SPATA1: variants seen among roughly 807,000 people sequenced by gnomAD.
The protein encoded by SPATA1 is spermatogenesis associated 1, also known as spermatogenesis-associated protein 1.
SPATA1 carries 57 observed loss-of-function variants against 59.6 expected under a neutral mutation model. That is an observed-to-expected ratio of 0.96 (90% CI 0.77 to 1.19). The LOEUF (loss-of-function observed/expected upper bound fraction) is 1.19. Ranked by LOEUF, SPATA1 falls within the 50% of genes most tolerant of loss-of-function variation. The probability of loss-of-function intolerance (pLI) is 0.00; values close to 1 mark genes in which losing one functional copy is unlikely to be tolerated. For missense variants in SPATA1, 448 were observed against 480.7 expected, an observed-to-expected ratio of 0.93 and a Z score of 0.64; for synonymous variants, 147 against 163.9, an observed-to-expected ratio of 0.90 and a Z score of 0.79.
chr1:84,563,380 C>T, intron 4 of SPATA1: 1 of 1,578,196 alleles, frequency 6.3e-7, no homozygotes. Context: ...TACAAGGAGC[C>T]CCCCGGAAAG....
At chr1:84,516,646 G>C (rs936906793) in intron 2 of SPATA1, among the ~76,000 whole-genome samples, 4 of 152,026 alleles carry the variant, frequency 2.6e-5, no homozygotes, top group Non-Finnish European at 5.9e-5. Flanking sequence ...TTGTATGATT[G>C]AGGTTGGTAC....
intron 12 of SPATA1, chr1:84,552,745 C>A: frequency 4.7e-6 from 1 of 214,898 alleles, no homozygotes; most frequent in Non-Finnish European, 9.2e-6. Context: ...TTAAGCAAAA[C>A]ATAAAATTCT....
At chr1:84,564,832 G>A (rs538788365) in intron 4 of SPATA1, among the ~76,000 whole-genome samples, 28 of 152,146 alleles carry the variant, frequency 1.8e-4, no homozygotes, top group African/African-American at 6.0e-4. Flanking sequence ...GATCACTTGC[G>A]GCCAGCCTGG....
chr1:84,529,276 G>A (rs1683359489), intron 6 of SPATA1, among the ~76,000 whole-genome samples: 1 of 150,446 alleles, frequency 6.6e-6, no homozygotes, highest in Admixed American at 6.6e-5. Context: ...CATTTTGTTG[G>A]AAAGAAATCC....
intron 1 of SPATA1, among the ~76,000 whole-genome samples, chr1:84,511,506 C>T (rs1310904300): frequency 4.0e-5 from 6 of 151,754 alleles, no homozygotes; most frequent in Admixed American, 3.3e-4. Flanking sequence ...CTCTAGAAGT[C>T]TAACTACTAT....
exon 8 of SPATA1, chr1:84,533,763 T>G (rs1683565603): frequency 6.4e-7 from 1 of 1,554,112 alleles, no homozygotes; most frequent in Non-Finnish European, 8.7e-7. Flanking sequence ...GACAGGACAA[T>G]CAGGTACTAT....
chr1:84,544,337 T>C, intron 9 of SPATA1, 33 bp downstream of exon 9: 1 of 1,463,404 alleles, frequency 6.8e-7, no homozygotes, highest in Non-Finnish European at 9.4e-7. Context: ...TACAGATGAT[T>C]CTGTGAGGTA....
chr1:84,542,908 A>C (rs916252965), intron 8 of SPATA1, among the ~76,000 whole-genome samples: 2 of 152,182 alleles, frequency 1.3e-5, no homozygotes, highest in African/African-American at 4.8e-5. Flanking sequence ...GATGCCTGAA[A>C]ACACAGATAG....
At chr1:84,539,771 A>C (rs1683840824) in intron 8 of SPATA1, among the ~76,000 whole-genome samples, 1 of 152,182 alleles carries the variant, frequency 6.6e-6, no homozygotes, top group Non-Finnish European at 1.5e-5. Flanking sequence ...TGCTGAATAC[A>C]TCAAGTATTC....
chr1:84,550,492 C>G (rs1333168262), exon 12 of SPATA1: 2 of 1,566,540 alleles, frequency 1.3e-6, no homozygotes, highest in African/African-American at 1.4e-5. Context: ...TAAGAGAAAA[C>G]TAGATACTGA....
chr1:84,543,893 G>C (rs765655980), intron 8 of SPATA1, among the ~76,000 whole-genome samples: 11 of 152,120 alleles, frequency 7.2e-5, no homozygotes, highest in Non-Finnish European at 1.3e-4. Flanking sequence ...AGGCATCTTA[G>C]AAAATATTTA....
intron 1 of SPATA1, among the ~76,000 whole-genome samples, chr1:84,509,637 A>G (rs1682448105): frequency 6.6e-6 from 1 of 152,196 alleles, no homozygotes; most frequent in Non-Finnish European, 1.5e-5. Flanking sequence ...GTAGTGGCAC[A>G]TGCCTGTAGT....
At chr1:84,531,514 G>A (rs1020033326) in intron 6 of SPATA1, among the ~76,000 whole-genome samples, 1 of 149,770 alleles carries the variant, frequency 6.7e-6, no homozygotes, top group Admixed American at 6.7e-5. Flanking sequence ...GAAATAAATT[G>A]TAGCAGCCAA....
downstream of SPATA1, among the ~76,000 whole-genome samples, chr1:84,566,567 CA>C (rs1454413860): frequency 6.6e-6 from 1 of 152,104 alleles, no homozygotes; most frequent in Non-Finnish European, 1.5e-5. Flanking sequence ...TTAATCAAGT[CA>C]AAATGTTGAA....
chr1:84,566,113 G>T, exon 5 of SPATA1: 2 of 575,118 alleles, frequency 3.5e-6, no homozygotes, highest in Non-Finnish European at 5.3e-6. Flanking sequence ...ACTACACAAG[G>T]AAAAGGAACT....
At chr1:84,558,729 C>T (rs1053638065), downstream of SPATA1, among the ~76,000 whole-genome samples, 5 of 151,712 alleles carry the variant, frequency 3.3e-5, no homozygotes, top group Admixed American at 2.6e-4. Flanking sequence ...AGAAAGACCC[C>T]GTCTCTACAA....
chr1:84,528,640 T>C (rs1308810397), intron 6 of SPATA1, among the ~76,000 whole-genome samples: 1 of 152,242 alleles, frequency 6.6e-6, no homozygotes, highest in African/African-American at 2.4e-5. Flanking sequence ...TTTGGTTTGT[T>C]TGCAGCTTGG....
chr1:84,557,392 G>A (rs952548296), downstream of SPATA1, among the ~76,000 whole-genome samples: 1 of 151,934 alleles, frequency 6.6e-6, no homozygotes, highest in Non-Finnish European at 1.5e-5. Flanking sequence ...AATTAGCTGG[G>A]TGTGGTGATG....
chr1:84,555,161 G>C, downstream of SPATA1: 1 of 1,613,722 alleles, frequency 6.2e-7, no homozygotes, highest in Non-Finnish European at 8.5e-7. Flanking sequence ...TACTCTGAGG[G>C]TTATCATACC....
Sources: allele counts gnomAD v4.1 joint callset (sites outside exome capture counted in the v4.1 genomes callset), GRCh38; gene constraint gnomAD v4.1.1; transcripts MANE v1.5; gene names NCBI Gene and HGNC (gene_info 2026-07-23, HGNC 2026-07-21).